The following HOMER1 variants were observed in gnomAD, a reference collection of about 807,000 sequenced individuals.
HOMER1 encodes the protein homer scaffold protein 1.
Under a neutral mutation model 48.9 loss-of-function variants are expected in HOMER1, and 3 were observed. That is an observed-to-expected ratio of 0.06 (90% CI 0.03 to 0.16). The LOEUF is 0.16. Ranked by LOEUF, HOMER1 falls within the 10% of genes least tolerant of loss-of-function variation. The pLI, the probability that HOMER1 is intolerant of heterozygous loss-of-function variation, is 1.00. For synonymous variants in HOMER1, 134 were observed against 146.4 expected (o/e 0.92, Z 0.61); for missense variants, 247 against 411.4 (o/e 0.60, Z 3.46).
intron 5 of HOMER1, among the ~76,000 whole-genome samples, chr5:79,429,709 AT>A (rs1750366447): frequency 6.6e-6 from 1 of 152,216 alleles, no homozygotes; most frequent in African/African-American, 2.4e-5. Flanking sequence ...AAAGAAAAAA[AT>A]GAATTAGACT....
intron 1 of HOMER1, among the ~76,000 whole-genome samples, chr5:79,499,808 G>C (rs900002257): frequency 6.6e-6 from 1 of 152,182 alleles, no homozygotes; most frequent in South Asian, 2.1e-4. Flanking sequence ...GCTAACTCCT[G>C]TTGCTATTGC....
At chr5:79,505,837 C>T (rs2112381237) in intron 1 of HOMER1, among the ~76,000 whole-genome samples, 1 of 151,694 alleles carries the variant, frequency 6.6e-6, no homozygotes, top group Non-Finnish European at 1.5e-5. Flanking sequence ...AGTAGTCTAC[C>T]TTAATAGAAA....
chr5:79,506,661 ACCCCATG>A (rs1164307736), intron 1 of HOMER1, among the ~76,000 whole-genome samples: 1 of 152,048 alleles, frequency 6.6e-6, no homozygotes, highest in East Asian at 1.9e-4. Flanking sequence ...ACATGATGAA[ACCCCATG>A]CCTACAAAAA....
At chr5:79,377,594 G>A (rs1748809149) in intron 8 of HOMER1, among the ~76,000 whole-genome samples, 1 of 152,088 alleles carries the variant, frequency 6.6e-6, no homozygotes, top group Non-Finnish European at 1.5e-5. Flanking sequence ...CAGAAAATGA[G>A]ATGTTTCAAA....
At chr5:79,435,802 G>C (rs1750562287) in intron 5 of HOMER1, among the ~76,000 whole-genome samples, 1 of 148,824 alleles carries the variant, frequency 6.7e-6, no homozygotes, top group South Asian at 2.2e-4. Flanking sequence ...TTGCACTCCA[G>C]CCTGGGCAAC....
chr5:79,504,164 TA>T (rs1381093609), intron 1 of HOMER1, among the ~76,000 whole-genome samples: 17 of 152,200 alleles, frequency 1.1e-4, no homozygotes, highest in Middle Eastern at 6.8e-3. Context: ...TTTTTTTTTT[TA>T]AATCAACAGA....
chr5:79,409,728 T>C (rs1454417196), intron 5 of HOMER1, among the ~76,000 whole-genome samples: 1 of 152,116 alleles, frequency 6.6e-6, no homozygotes, highest in Non-Finnish European at 1.5e-5. Flanking sequence ...ATAGACATTT[T>C]CCCAAAGAAG....
At chr5:79,431,296 C>A (rs1750418885) in intron 5 of HOMER1, among the ~76,000 whole-genome samples, 1 of 152,144 alleles carries the variant, frequency 6.6e-6, no homozygotes, top group Non-Finnish European at 1.5e-5. Context: ...GCACTCCAGC[C>A]TGGGTGACAG....
At chr5:79,392,636 A>T (rs186363556) in intron 8 of HOMER1, among the ~76,000 whole-genome samples, 41 of 152,268 alleles carry the variant, frequency 2.7e-4, no homozygotes, top group African/African-American at 9.4e-4. Flanking sequence ...ATAACATTTT[A>T]AAAAATAAAT....
At chr5:79,468,033 CCTAA>C (rs1751524816) in intron 1 of HOMER1, among the ~76,000 whole-genome samples, 1 of 152,124 alleles carries the variant, frequency 6.6e-6, no homozygotes, top group Non-Finnish European at 1.5e-5. Context: ...TTTTCGGCCT[CCTAA>C]AGTGCTGCGA....
intron 4 of HOMER1, among the ~76,000 whole-genome samples, chr5:79,439,842 A>G (rs564556804): frequency 3.9e-5 from 6 of 152,290 alleles, no homozygotes; most frequent in African/African-American, 1.4e-4. Flanking sequence ...TTTAAATAAC[A>G]TTAAAATTTA....
At chr5:79,488,095 A>G (rs1418286553) in intron 1 of HOMER1, among the ~76,000 whole-genome samples, 2 of 152,220 alleles carry the variant, frequency 1.3e-5, no homozygotes, top group Non-Finnish European at 2.9e-5. Context: ...AGCTCCCAAA[A>G]TCCAACTAAG....
intron 1 of HOMER1, among the ~76,000 whole-genome samples, chr5:79,488,984 A>G (rs1752195511): frequency 6.6e-6 from 1 of 152,230 alleles, no homozygotes; most frequent in African/African-American, 2.4e-5. Context: ...AACCCAAAAT[A>G]TAATCTCTAT....
intron 2 of HOMER1, among the ~76,000 whole-genome samples, chr5:79,453,258 C>G (rs959437194): frequency 3.9e-5 from 6 of 152,152 alleles, no homozygotes; most frequent in African/African-American, 1.2e-4. Flanking sequence ...GAACTGGGAT[C>G]TCTGTGTTTT....
chr5:79,395,294 C>T (rs1218784564), intron 8 of HOMER1, among the ~76,000 whole-genome samples: 1 of 152,154 alleles, frequency 6.6e-6, no homozygotes, highest in Non-Finnish European at 1.5e-5. Context: ...GCCCTGATTC[C>T]ATGCTTCATA....
chr5:79,436,083 G>A (rs191649333), intron 5 of HOMER1, among the ~76,000 whole-genome samples: 4,032 of 150,914 alleles, frequency 0.027, 128 homozygotes, highest in East Asian at 0.12. Context: ...CCGAGATTGC[G>A]CCACTGCAGT....
intron 8 of HOMER1, among the ~76,000 whole-genome samples, chr5:79,394,429 AG>A (rs931878151): frequency 1.4e-4 from 21 of 152,190 alleles, no homozygotes; most frequent in African/African-American, 5.1e-4. Flanking sequence ...ATTCATCCTC[AG>A]GTTTTCTAAA....
At chr5:79,379,414 A>G (rs1748901815) in intron 8 of HOMER1, among the ~76,000 whole-genome samples, 1 of 115,736 alleles carries the variant, frequency 8.6e-6, no homozygotes, top group Non-Finnish European at 1.7e-5. Context: ...ATATATTTAT[A>G]TATTTTATAT....
At chr5:79,428,455 T>TA (rs1008139187) in intron 5 of HOMER1, among the ~76,000 whole-genome samples, 26 of 151,856 alleles carry the variant, frequency 1.7e-4, no homozygotes, top group African/African-American at 6.0e-4. Context: ...GCAATGAGTT[T>TA]AAAAAAAAGA....
Sources: allele counts gnomAD v4.1 joint callset (sites outside exome capture counted in the v4.1 genomes callset), GRCh38; gene constraint gnomAD v4.1.1; transcripts MANE v1.5; gene names NCBI Gene and HGNC (gene_info 2026-07-23, HGNC 2026-07-21).